Variants in GRIN2A observed in about 807,000 individuals in gnomAD.
The protein encoded by GRIN2A is glutamate receptor ionotropic, NMDA 2A.
In GRIN2A, 22 loss-of-function variants were observed where a neutral mutation model predicts 113.4. That is an observed-to-expected ratio of 0.19 (90% CI 0.14 to 0.28). GRIN2A has a LOEUF of 0.28. Among genes scored for constraint, GRIN2A ranks in the 10% least tolerant of loss-of-function variants. The pLI, the probability that GRIN2A is intolerant of heterozygous loss-of-function variation, is 1.00. For missense variants in GRIN2A, 1,502 were observed against 1,887.0 expected (o/e 0.80, Z 3.78); for synonymous variants, 827 against 738.4 (o/e 1.12, Z -1.94).
intron 11 of GRIN2A, among the ~76,000 whole-genome samples, chr16:9,782,318 G>C (rs1473477567): frequency 6.6e-6 from 1 of 152,148 alleles, no homozygotes; most frequent in Admixed American, 6.5e-5. Context: ...GATGTGCATA[G>C]ATTATATTCA....
chr16:10,120,449 G>C (rs11074593), intron 2 of GRIN2A, among the ~76,000 whole-genome samples: 7 of 152,052 alleles, frequency 4.6e-5, no homozygotes. Context: ...AACTTTCTCC[G>C]TTCTCCTATT....
At chr16:9,994,603 G>C (rs2650422) in intron 2 of GRIN2A, among the ~76,000 whole-genome samples, 130,663 of 152,212 alleles carry the variant, frequency 0.86, 56,504 homozygotes, top group African/African-American at 0.91. Flanking sequence ...TTATTGATTT[G>C]TATCAAAACA....
At chr16:10,026,556 G>A (rs1194203839) in intron 2 of GRIN2A, among the ~76,000 whole-genome samples, 1 of 151,850 alleles carries the variant, frequency 6.6e-6, no homozygotes, top group African/African-American at 2.4e-5. Flanking sequence ...TCTGATTTAA[G>A]CAGGGCATTA....
At chr16:10,011,484 G>A (rs936876911) in intron 2 of GRIN2A, among the ~76,000 whole-genome samples, 7 of 152,050 alleles carry the variant, frequency 4.6e-5, no homozygotes, top group Non-Finnish European at 1.0e-4. Flanking sequence ...GGGCCAAGGC[G>A]GGACCCAAAT....
At chr16:10,172,305 C>T (rs761434510) in intron 2 of GRIN2A, among the ~76,000 whole-genome samples, 1 of 152,218 alleles carries the variant, frequency 6.6e-6, no homozygotes, top group Non-Finnish European at 1.5e-5. Context: ...GCCTGGAGTA[C>T]TGTGTTGAGA....
chr16:9,902,366 G>C (rs73502616), intron 3 of GRIN2A, among the ~76,000 whole-genome samples: 3 of 152,292 alleles, frequency 2.0e-5, no homozygotes, highest in African/African-American at 7.2e-5. Flanking sequence ...AGCAGTAGCA[G>C]CCATCTTGAA....
Position 9,974,922 on chromosome 16 carries a change from C to T in GRIN2A, c.415-36371G>A, listed in dbSNP as rs185888247. 6.2e-3 allele frequency among the ~76,000 whole-genome samples: 943 copies of T among 152,240 alleles called. 8 individuals carry two copies. Among genetic ancestry groups the T allele is most frequent in the Non-Finnish European group, 0.01 (681 of 68,006 alleles). ...TGAACATCTTTGTCTTGTTCCTGAT[C>T]ATAGAGGAAAAGCTCTCAATTTTCA... On this transcript the variant is annotated intron_variant, in intron 2 of 12. Transcript: ENST00000330684.
intron 2 of GRIN2A, among the ~76,000 whole-genome samples, chr16:10,043,584 T>C (rs2047203125): frequency 6.6e-6 from 1 of 152,142 alleles, no homozygotes; most frequent in African/African-American, 2.4e-5. Context: ...CAACTTTCAA[T>C]TATCTCAGCT....
chr16:10,114,561 G>A (rs371589990), intron 2 of GRIN2A, among the ~76,000 whole-genome samples: 16 of 152,292 alleles, frequency 1.1e-4, no homozygotes, highest in Non-Finnish European at 1.5e-4. Flanking sequence ...CGCAGGCACC[G>A]GTCCCAGCGA....
chr16:10,032,984 T>A (rs1314761077), intron 2 of GRIN2A, among the ~76,000 whole-genome samples: 1 of 152,206 alleles, frequency 6.6e-6, no homozygotes, highest in African/African-American at 2.4e-5. Flanking sequence ...TACACCATGC[T>A]TTTAAGCACA....
At chr16:9,824,408 C>T (rs1439541920) in intron 9 of GRIN2A, among the ~76,000 whole-genome samples, 1 of 152,226 alleles carries the variant, frequency 6.6e-6, no homozygotes, top group East Asian at 1.9e-4. Context: ...TTGTAGCAGC[C>T]ATTCCCAATC....
chr16:9,856,641 AAAGATT>A (rs2042974191), intron 4 of GRIN2A, among the ~76,000 whole-genome samples: 1 of 151,888 alleles, frequency 6.6e-6, no homozygotes, highest in Non-Finnish European at 1.5e-5. Context: ...AAAAAAAAAA[AAAGATT>A]ACATGAGATG....
At chr16:9,787,789 C>G (rs539591430) in intron 11 of GRIN2A, among the ~76,000 whole-genome samples, 1 of 152,184 alleles carries the variant, frequency 6.6e-6, no homozygotes, top group Non-Finnish European at 1.5e-5. Flanking sequence ...TCCTCTCAAA[C>G]GAGGTTTTCA....
chr16:10,019,577 C>G (rs1362307174), intron 2 of GRIN2A, among the ~76,000 whole-genome samples: 1 of 152,204 alleles, frequency 6.6e-6, no homozygotes, highest in Non-Finnish European at 1.5e-5. Flanking sequence ...TTTATCTACC[C>G]AAGGCTAGAA....
chr16:10,078,444 T>C (rs1488737008), intron 2 of GRIN2A, among the ~76,000 whole-genome samples: 1 of 150,274 alleles, frequency 6.7e-6, no homozygotes. Context: ...AGCATGTCCT[T>C]GTGGCAGATT....
At chr16:10,013,665 C>G (rs1011309567) in intron 2 of GRIN2A, among the ~76,000 whole-genome samples, 25 of 152,192 alleles carry the variant, frequency 1.6e-4, no homozygotes, top group African/African-American at 5.8e-4. Flanking sequence ...TTGGTACCAA[C>G]CAGCATCCTC....
intron 2 of GRIN2A, among the ~76,000 whole-genome samples, chr16:10,076,515 A>G (rs1049464952): frequency 1.3e-5 from 2 of 152,152 alleles, no homozygotes; most frequent in Admixed American, 6.5e-5. Flanking sequence ...CCTCCCACGC[A>G]CTAGGATCTG....
chr16:9,980,161 T>C (rs1463190761), intron 2 of GRIN2A, among the ~76,000 whole-genome samples: 1 of 151,332 alleles, frequency 6.6e-6, no homozygotes, highest in Non-Finnish European at 1.5e-5. Flanking sequence ...CAGTCACAGC[T>C]ACTTAGGAGG....
At chr16:9,983,776 T>TGTGTATACA (rs1457444966) in intron 2 of GRIN2A, among the ~76,000 whole-genome samples, 5 of 152,218 alleles carry the variant, frequency 3.3e-5, no homozygotes. Context: ...AGTATTCCAT[T>TGTGTATACA]GTGTATACAT....
Sources: gnomAD v4.1 joint callset for allele counts (sites outside exome capture counted in the v4.1 genomes callset) on GRCh38, gnomAD v4.1.1 for gene constraint, MANE v1.5 for transcripts, NCBI Gene and HGNC (gene_info 2026-07-23, HGNC 2026-07-21) for gene names.